The following BLTP1 variants were observed in gnomAD, a reference collection of about 807,000 sequenced individuals.
BLTP1 encodes bridge-like lipid transfer protein family member 1.
chr4:122,229,055 T>A, the BLTP1 span: 1 of 1,332,960 alleles, frequency 7.5e-7, no homozygotes, highest in Non-Finnish European at 1.0e-6. Context: ...TTAAAGAAGA[T>A]GACTTAAGTA....
At chr4:122,155,712 T>A in the BLTP1 span, among the ~76,000 whole-genome samples, 5 of 152,208 alleles carry the variant, frequency 3.3e-5, no homozygotes, top group African/African-American at 1.2e-4. Context: ...TTTTTTAATT[T>A]GAGAAAATTT....
chr4:122,334,599 T>A, the BLTP1 span: 3 of 1,551,444 alleles, frequency 1.9e-6, no homozygotes, highest in Non-Finnish European at 2.6e-6. Flanking sequence ...TTTTAGTTAT[T>A]ACCTACTTGC....
chr4:122,290,786 CA>C, the BLTP1 span: 328 of 22,614 alleles, frequency 0.015, 6 homozygotes, highest in Admixed American at 0.1. Flanking sequence ...GATTCCGTCT[CA>C]AAAAAAAAAA....
chr4:122,182,644 G>A, the BLTP1 span: 14 of 985,212 alleles, frequency 1.4e-5, no homozygotes, highest in African/African-American at 5.2e-5. Context: ...CCTGACAAAT[G>A]GGCAGAACTT....
chr4:122,322,773 G>C, the BLTP1 span, among the ~76,000 whole-genome samples: 1 of 152,084 alleles, frequency 6.6e-6, no homozygotes. Context: ...AGAACTGACT[G>C]CATTGGTATT....
At chr4:122,356,853 A>G in the BLTP1 span, 2 of 1,493,728 alleles carry the variant, frequency 1.3e-6, no homozygotes, top group African/African-American at 1.4e-5. Flanking sequence ...TGAGTGGAAT[A>G]TATCTCCCGT....
chr4:122,230,164 T>C, the BLTP1 span: 2 of 1,614,128 alleles, frequency 1.2e-6, no homozygotes, highest in East Asian at 4.5e-5. Context: ...ATTCTAAACA[T>C]GAGGCACAAA....
the BLTP1 span, chr4:122,251,066 A>G: frequency 4.1e-6 from 4 of 985,386 alleles, no homozygotes; most frequent in East Asian, 2.3e-4. Flanking sequence ...AGTAACAGCA[A>G]CAACAAAAAT....
At chr4:122,323,440 CTT>C in the BLTP1 span, among the ~76,000 whole-genome samples, 87 of 140,336 alleles carry the variant, frequency 6.2e-4, no homozygotes, top group African/African-American at 1.4e-3. Context: ...AGAGAACCCT[CTT>C]TTTTTTTTTT....
the BLTP1 span, chr4:122,280,135 T>A: frequency 1.0e-6 from 1 of 985,318 alleles, no homozygotes; most frequent in Admixed American, 6.1e-5. Context: ...CCAATTGTGA[T>A]CATGTGAGAA....
At chr4:122,247,372 C>A in the BLTP1 span, 1 of 1,611,566 alleles carries the variant, frequency 6.2e-7, no homozygotes, top group Non-Finnish European at 8.5e-7. Flanking sequence ...GATTCTACAA[C>A]AAATATGTTT....
At chr4:122,249,016 AG>A in the BLTP1 span, 1 of 955,308 alleles carries the variant, frequency 1.0e-6, no homozygotes. Context: ...ATCTGTAAGC[AG>A]TGGAACCATG....
chr4:122,182,712 A>C, the BLTP1 span: 1 of 985,046 alleles, frequency 1.0e-6, no homozygotes, highest in South Asian at 4.7e-5. Context: ...CAAAGTTAGA[A>C]GTTCTCAGTA....
chr4:122,276,883 T>C, the BLTP1 span: 1 of 984,896 alleles, frequency 1.0e-6, no homozygotes, highest in South Asian at 4.7e-5. Context: ...ACTGTTGGGC[T>C]TTGCGTTTAT....
the BLTP1 span, chr4:122,352,949 T>C: frequency 1.9e-6 from 3 of 1,613,926 alleles, no homozygotes; most frequent in Admixed American, 5.0e-5. Context: ...GTATTGAAGG[T>C]GGTATCAGGA....
At chr4:122,266,840 T>C in the BLTP1 span, 9 of 1,611,152 alleles carry the variant, frequency 5.6e-6, no homozygotes, top group Non-Finnish European at 7.6e-6. Context: ...TACAATGCCA[T>C]TCTGCTACCG....
the BLTP1 span, chr4:122,263,589 G>A: frequency 6.2e-7 from 1 of 1,602,040 alleles, no homozygotes. Context: ...GGACACAATA[G>A]TCTTCCCACA....
chr4:122,196,682 A>G, the BLTP1 span: 1 of 1,611,150 alleles, frequency 6.2e-7, no homozygotes, highest in East Asian at 2.2e-5. Flanking sequence ...CAAGTTCTGA[A>G]AGTTTCTGAA....
chr4:122,168,767 C>G, the BLTP1 span, among the ~76,000 whole-genome samples: 1 of 152,116 alleles, frequency 6.6e-6, no homozygotes, highest in Admixed American at 6.5e-5. Context: ...TTAATCTTCT[C>G]TAGCTCCTGC....
Sources: gnomAD v4.1 joint callset for allele counts (sites outside exome capture counted in the v4.1 genomes callset) on GRCh38, gnomAD v4.1.1 for gene constraint, MANE v1.5 for transcripts, NCBI Gene and HGNC (gene_info 2026-07-23, HGNC 2026-07-21) for gene names.